Variants in TG observed in about 807,000 individuals in gnomAD.
TG encodes the protein thyroglobulin.
TG carries 270 observed loss-of-function variants against 324.7 expected under a neutral mutation model. The ratio of observed to expected loss-of-function variants is 0.83; its 90% CI spans 0.75 to 0.92. The LOEUF is 0.92. Among genes scored for constraint, TG ranks in the 40% least tolerant of loss-of-function variants. The pLI is 0.00. For synonymous variants in TG, 1,401 were observed against 1,327.0 expected, an observed-to-expected ratio of 1.06 and a Z score of -1.21; for missense variants, 3,591 against 3,456.4, an observed-to-expected ratio of 1.04 and a Z score of -0.98.
intron 37 of TG, among the ~76,000 whole-genome samples, chr8:133,015,184 A>G (rs1050775691): frequency 1.3e-5 from 2 of 152,198 alleles, no homozygotes; most frequent in Non-Finnish European, 2.9e-5. Flanking sequence ...AGTGTGGGCA[A>G]TCTGTGTGGT....
chr8:132,926,563 A>C (rs866736853), intron 22 of TG, among the ~76,000 whole-genome samples: 1 of 152,160 alleles, frequency 6.6e-6, no homozygotes, highest in Non-Finnish European at 1.5e-5. Flanking sequence ...AGAATGAATA[A>C]ATTTCTCTAG....
intron 38 of TG, among the ~76,000 whole-genome samples, chr8:133,019,245 C>G (rs1835341370): frequency 1.3e-5 from 2 of 152,134 alleles, no homozygotes; most frequent in Admixed American, 1.3e-4. Context: ...AGGTAGGACA[C>G]CCCCTCCAGA....
At chr8:133,122,840 A>C (rs1198764165) in intron 45 of TG, among the ~76,000 whole-genome samples, 1 of 152,134 alleles carries the variant, frequency 6.6e-6, no homozygotes, top group South Asian at 2.1e-4. Context: ...TCTCCTGTTC[A>C]TCTCTGCCCA....
intron 25 of TG, among the ~76,000 whole-genome samples, chr8:132,940,291 C>T (rs868862960): frequency 6.6e-6 from 1 of 152,126 alleles, no homozygotes; most frequent in Non-Finnish European, 1.5e-5. Context: ...CCAGACAGTT[C>T]GCATGTCAAG....
intron 41 of TG, among the ~76,000 whole-genome samples, chr8:133,094,387 C>A (rs1004749741): frequency 2.0e-5 from 3 of 151,952 alleles, no homozygotes; most frequent in African/African-American, 4.8e-5. Context: ...ACTACAGGCG[C>A]CCGTCACCAC....
chr8:133,123,568 A>G (rs1851302273), intron 45 of TG, among the ~76,000 whole-genome samples: 1 of 151,704 alleles, frequency 6.6e-6, no homozygotes. Context: ...CATCTCTTTG[A>G]CTCACCGGTG....
intron 35 of TG, among the ~76,000 whole-genome samples, chr8:133,000,248 A>G (rs1437973806): frequency 6.6e-6 from 1 of 152,168 alleles, no homozygotes; most frequent in African/African-American, 2.4e-5. Flanking sequence ...TTATCATGCT[A>G]TGGCACACAC....
intron 24 of TG, among the ~76,000 whole-genome samples, chr8:132,935,397 G>A (rs1020223078): frequency 1.3e-5 from 2 of 151,904 alleles, no homozygotes; most frequent in African/African-American, 4.8e-5. Flanking sequence ...ACCCGCCTCG[G>A]CCTCCCAAAG....
chr8:132,981,513 C>G (rs1437959383), intron 34 of TG, among the ~76,000 whole-genome samples: 1 of 152,206 alleles, frequency 6.6e-6, no homozygotes, highest in African/African-American at 2.4e-5. Context: ...AAACAAGTGA[C>G]AACAGGGTGA....
At chr8:133,101,606 G>A (rs565287419) in intron 43 of TG, among the ~76,000 whole-genome samples, 1 of 152,270 alleles carries the variant, frequency 6.6e-6, no homozygotes, top group South Asian at 2.1e-4. Flanking sequence ...ACCTAAACAG[G>A]GTGTCCAGCA....
In TG at chr8:133,034,273, T is replaced by C. The variant is rs139882768; in HGVS notation, c.7239+4250T>C. ...ATGAATCAGGTAAACACTGTAACCA[T>C]GAACGTAGTATTTTTGCCTTGTTAG... On this transcript the variant is annotated intron_variant, in intron 41 of 47. Transcript: ENST00000220616. Among the ~76,000 whole-genome samples the C allele has an allele frequency of 4.0e-3, 614 of 152,348 alleles. 3 individuals are homozygous for C. The highest frequency in any genetic ancestry group is 0.014 in the African/African-American group (566 of 41,580).
intron 45 of TG, among the ~76,000 whole-genome samples, chr8:133,118,736 A>C (rs560344135): frequency 6.6e-6 from 1 of 152,160 alleles, no homozygotes; most frequent in South Asian, 2.1e-4. Context: ...AGTCTATTCG[A>C]GCTGCCGTAG....
chr8:132,976,465 C>CA (rs1830185400), intron 34 of TG, among the ~76,000 whole-genome samples: 1 of 152,180 alleles, frequency 6.6e-6, no homozygotes, highest in African/African-American at 2.4e-5. Context: ...TTGGAGGGGA[C>CA]AAACGATGAA....
chr8:133,020,451 G>A (rs1451897682), intron 39 of TG, among the ~76,000 whole-genome samples: 1 of 152,196 alleles, frequency 6.6e-6, no homozygotes, highest in African/African-American at 2.4e-5. Flanking sequence ...GCAGCCACAA[G>A]CCAAACGGCC....
At chr8:133,015,786 G>C (rs1283875880) in intron 37 of TG, among the ~76,000 whole-genome samples, 1 of 152,176 alleles carries the variant, frequency 6.6e-6, no homozygotes. Context: ...GAACTATGGG[G>C]TGACATCAGC....
At position 132,893,688 on chromosome 8, in the gene TG, A is replaced by G; in HGVS notation, c.2762-2A>G. The G allele has an allele frequency of 3.7e-6, 6 of 1,613,756 alleles. No individual in the cohort carries two copies. The highest frequency in any genetic ancestry group is 5.1e-6 in the Non-Finnish European group (6 of 1,179,852). On this transcript the variant is annotated splice_acceptor_variant, in intron 10 of 47. Transcript: ENST00000220616. LOFTEE classifies it high-confidence loss of function. ...CCATCTGTGTTATTTTTATTCCCCT[A>G]GGTCCTGGCTCCTGTGAGGAAGCAA... is the stretch of plus-strand genomic sequence containing the variant.
At chr8:132,888,595 A>ATGTGTGTGTGTGTG in intron 10 of TG, 27 bp downstream of exon 10, 2 of 1,337,950 alleles carry the variant, frequency 1.5e-6, no homozygotes, top group Non-Finnish European at 2.0e-6. Context: ...GAAGAGTTAA[A>ATGTGTGTGTGTGTG]TGTGTGTGTG....
intron 24 of TG, among the ~76,000 whole-genome samples, chr8:132,935,172 ACT>A (rs1823394887): frequency 2.2e-5 from 3 of 139,276 alleles, no homozygotes; most frequent in Non-Finnish European, 3.1e-5. Context: ...ACAGAGTTTC[ACT>A]CTGTCGTCCA....
At chr8:133,027,871 C>T (rs1275587241) in intron 40 of TG, among the ~76,000 whole-genome samples, 1 of 152,204 alleles carries the variant, frequency 6.6e-6, no homozygotes. Context: ...AAAGGTTGGA[C>T]CAGACATGTT....
Sources: gnomAD v4.1 joint callset for allele counts (sites outside exome capture counted in the v4.1 genomes callset) on GRCh38, gnomAD v4.1.1 for gene constraint, MANE v1.5 for transcripts, NCBI Gene and HGNC (gene_info 2026-07-23, HGNC 2026-07-21) for gene names.